Variants in GPC6 observed in about 807,000 individuals in gnomAD.
The protein encoded by GPC6 is glypican-6.
GPC6 carries 14 observed loss-of-function variants against 55.2 expected under a neutral mutation model. The ratio of observed to expected loss-of-function variants is 0.25; its 90% CI spans 0.17 to 0.40. GPC6 has a LOEUF of 0.40. GPC6 is among the 10% of genes least tolerant of loss of function. GPC6 has a pLI of 1.00. For synonymous variants in GPC6, 278 were observed against 259.6 expected (o/e 1.07, Z -0.68); for missense variants, 641 against 708.5 (o/e 0.90, Z 1.08).
At chr13:93,552,033 T>C (rs1875184856) in intron 2 of GPC6, among the ~76,000 whole-genome samples, 1 of 152,136 alleles carries the variant, frequency 6.6e-6, no homozygotes, top group African/African-American at 2.4e-5. Flanking sequence ...GAATTATAGG[T>C]AACTGCAATT....
At chr13:93,791,959 A>T (rs1886052415) in intron 2 of GPC6, among the ~76,000 whole-genome samples, 1 of 152,234 alleles carries the variant, frequency 6.6e-6, no homozygotes, top group Admixed American at 6.5e-5. Flanking sequence ...TACACAGGGA[A>T]CGAAGCAAAA....
At chr13:93,422,391 A>G (rs749329858) in intron 1 of GPC6, among the ~76,000 whole-genome samples, 4 of 152,220 alleles carry the variant, frequency 2.6e-5, no homozygotes, top group Admixed American at 6.5e-5. Flanking sequence ...TAAATCAAAC[A>G]CAGATTAAAC....
intron 2 of GPC6, among the ~76,000 whole-genome samples, chr13:93,711,100 A>G (rs754610475): frequency 5.3e-5 from 8 of 151,814 alleles, no homozygotes; most frequent in Non-Finnish European, 1.2e-4. Flanking sequence ...AGAAATTATA[A>G]GTGATAAGCT....
intron 3 of GPC6, among the ~76,000 whole-genome samples, chr13:93,880,965 A>G (rs1874931466): frequency 6.6e-6 from 1 of 151,882 alleles, no homozygotes; most frequent in Non-Finnish European, 1.5e-5. Flanking sequence ...GGAAGAGGTC[A>G]ACAGTATAAA....
At chr13:93,534,581 G>A (rs72641625) in intron 1 of GPC6, among the ~76,000 whole-genome samples, 75 of 152,238 alleles carry the variant, frequency 4.9e-4, no homozygotes, top group Non-Finnish European at 9.9e-4. Flanking sequence ...CAGGCTCAAG[G>A]TCATCCCTGG....
chr13:94,336,829 A>G (rs545052969), intron 6 of GPC6, among the ~76,000 whole-genome samples: 1 of 152,312 alleles, frequency 6.6e-6, no homozygotes, highest in South Asian at 2.1e-4. Flanking sequence ...TATCACTCAC[A>G]CTATTATTGC....
chr13:93,436,429 A>C (rs150532630), intron 1 of GPC6, among the ~76,000 whole-genome samples: 4 of 152,300 alleles, frequency 2.6e-5, no homozygotes, highest in Admixed American at 2.0e-4. Flanking sequence ...ATAGAATTCC[A>C]AACTGATATG....
At chr13:93,222,864 C>T (rs1875658635), upstream of GPC6, among the ~76,000 whole-genome samples, 1 of 152,106 alleles carries the variant, frequency 6.6e-6, no homozygotes, top group South Asian at 2.1e-4. Flanking sequence ...GGTTTGGTGA[C>T]TCAAATAGGA....
At position 93,939,351 on chromosome 13, in the gene GPC6, G is replaced by A. The variant is rs1052634310; in HGVS notation, c.712-88378G>A. ...AAAACTAGACGTAAACCTAGGAGGC[G>A]GAGCTTGCAGTGAGCCGAGATGCGC... On this transcript the variant is annotated intron_variant, in intron 3 of 8. Coordinates refer to ENST00000377047, the MANE Select transcript of GPC6 (RefSeq NM_005708.5). Among the ~76,000 whole-genome samples the A allele has an allele frequency of 6.6e-5, 10 of 150,912 alleles. No homozygotes were observed. In the South Asian group the frequency reaches 1.3e-3, roughly 19 times the overall value.
At chr13:93,332,124 G>T (rs569593109) in intron 1 of GPC6, among the ~76,000 whole-genome samples, 1 of 152,048 alleles carries the variant, frequency 6.6e-6, no homozygotes, top group Non-Finnish European at 1.5e-5. Flanking sequence ...ACACTTGGTT[G>T]ATTCCATATT....
At chr13:94,222,644 T>C (rs1244252003) in intron 4 of GPC6, among the ~76,000 whole-genome samples, 1 of 152,162 alleles carries the variant, frequency 6.6e-6, no homozygotes, top group African/African-American at 2.4e-5. Flanking sequence ...GATGTATGTC[T>C]CACCTGTGCC....
chr13:94,354,049 T>C (rs1430063562), intron 6 of GPC6, among the ~76,000 whole-genome samples: 1 of 152,226 alleles, frequency 6.6e-6, no homozygotes, highest in Non-Finnish European at 1.5e-5. Context: ...CATGGCTACA[T>C]GTGCTTGATA....
intron 2 of GPC6, among the ~76,000 whole-genome samples, chr13:93,730,332 G>C (rs900477433): frequency 2.6e-5 from 4 of 152,256 alleles, no homozygotes; most frequent in Admixed American, 2.6e-4. Flanking sequence ...TTTATAAATA[G>C]CACTGGATGG....
chr13:94,066,591 C>T (rs545372266), intron 4 of GPC6, among the ~76,000 whole-genome samples: 9 of 152,172 alleles, frequency 5.9e-5, no homozygotes, highest in Admixed American at 1.3e-4. Flanking sequence ...CTAAAGATAA[C>T]GTTGTCCTCA....
At chr13:93,630,772 A>G (rs984835035) in intron 2 of GPC6, among the ~76,000 whole-genome samples, 8 of 152,158 alleles carry the variant, frequency 5.3e-5, no homozygotes, top group Non-Finnish European at 1.0e-4. Flanking sequence ...AAAATTATAT[A>G]CTTTCTTTTA....
At chr13:94,152,122 T>C (rs1157910021) in intron 4 of GPC6, among the ~76,000 whole-genome samples, 3 of 152,140 alleles carry the variant, frequency 2.0e-5, no homozygotes, top group Admixed American at 2.0e-4. Context: ...ATTGGCACTC[T>C]ATGGCAGCCA....
chr13:93,446,127 A>G (rs1272914774), intron 1 of GPC6, among the ~76,000 whole-genome samples: 4 of 152,188 alleles, frequency 2.6e-5, no homozygotes, highest in Admixed American at 2.0e-4. Flanking sequence ...TTAAAATTCA[A>G]TTGTACATAT....
Position 93,629,789 on chromosome 13 carries a change from A to G in GPC6, c.319+84368A>G, listed in dbSNP as rs779386273. Among the ~76,000 whole-genome samples the G allele has an allele frequency of 2.0e-5, 3 of 152,206 alleles. No individual in the cohort carries two copies. In the East Asian group the frequency reaches 5.8e-4, roughly 29 times the overall value. ...GTCTATGGAAATAAAACAATAAACC[A>G]CAAATTCACAGCATTCCTTTTTTTC... On this transcript the variant is annotated intron_variant, in intron 2 of 8. Transcript: ENST00000377047.
intron 4 of GPC6, among the ~76,000 whole-genome samples, chr13:94,061,498 A>C (rs1206747684): frequency 6.6e-6 from 1 of 152,098 alleles, no homozygotes; most frequent in African/African-American, 2.4e-5. Flanking sequence ...CTCCTGCCCA[A>C]GGAGCAAAGG....
Sources: allele counts gnomAD v4.1 joint callset (sites outside exome capture counted in the v4.1 genomes callset), GRCh38; gene constraint gnomAD v4.1.1; transcripts MANE v1.5; gene names NCBI Gene and HGNC (gene_info 2026-07-23, HGNC 2026-07-21).